Variants in DNAH2 observed in about 807,000 individuals in gnomAD.
DNAH2 encodes dynein axonemal heavy chain 2.
DNAH2 carries 323 observed loss-of-function variants against 523.5 expected under a neutral mutation model. The ratio of observed to expected loss-of-function variants is 0.62; its 90% CI spans 0.56 to 0.68. The LOEUF (loss-of-function observed/expected upper bound fraction) is 0.68, where lower values mean the gene tolerates loss of function less well. DNAH2 is among the 30% of genes least tolerant of loss of function. DNAH2 has a pLI of 0.00. For synonymous variants in DNAH2, 2,093 were observed against 2,177.4 expected (o/e 0.96, Z 1.08); for missense variants, 4,907 against 5,701.5 (o/e 0.86, Z 4.49).
intron 12 of DNAH2, chr17:7,743,379 T>C (rs1172685311): frequency 8.5e-6 from 6 of 707,228 alleles, no homozygotes; most frequent in Admixed American, 2.0e-5. Flanking sequence ...AACAAAACAA[T>C]GATCGGCCAG....
At position 7,727,183 on chromosome 17, in the gene DNAH2, A is replaced by G; in HGVS notation, c.290A>G (p.Glu97Gly). 6.2e-7 allele frequency: 1 copy of G among 1,608,568 alleles called. No homozygotes were observed. Residue 97 changes from glutamate (E) to glycine (G), a missense_variant, in exon 4 of 86, where the codon GAG (glutamate) becomes GGG (glycine). Physicochemically the swap from Glu to Gly is moderately conservative, Grantham distance 98. Transcript: ENST00000572933. ...TGLADAVWTQ[E>G]HDAILEHFAQ... ...CTGGCGGATGCAGTGTGGACACAGGAGCATGATGCCATTCTGGAACACTTT... is the reference window on the plus strand; with the variant it reads ...CTGGCGGATGCAGTGTGGACACAGGGGCATGATGCCATTCTGGAACACTTT...
intron 2 of DNAH2, among the ~76,000 whole-genome samples, chr17:7,723,245 C>G (rs913974613): frequency 1.4e-5 from 2 of 139,960 alleles, no homozygotes; most frequent in Non-Finnish European, 3.0e-5. Context: ...GCTGGGATTA[C>G]AGGTGTGAGC....
chr17:7,803,938 T>C (rs187994786), intron 58 of DNAH2, among the ~76,000 whole-genome samples: 1 of 152,362 alleles, frequency 6.6e-6, no homozygotes, highest in Non-Finnish European at 1.5e-5. Context: ...CCCACCTGCC[T>C]GTTCCACAGT....
intron 12 of DNAH2, chr17:7,743,502 C>G (rs1567629208): frequency 4.8e-6 from 3 of 626,952 alleles, no homozygotes; most frequent in Non-Finnish European, 8.5e-6. Flanking sequence ...CCAGTCTCTG[C>G]AAAAAATACA....
intron 11 of DNAH2, among the ~76,000 whole-genome samples, chr17:7,742,158 G>A (rs779785573): frequency 5.3e-5 from 8 of 151,912 alleles, no homozygotes; most frequent in Middle Eastern, 3.2e-3. Flanking sequence ...GGCCAGGTGC[G>A]GTGGCTCACA....
At position 7,823,847 on chromosome 17, in the gene DNAH2, T is replaced by C; in HGVS notation, c.11343T>C (p.Asn3781=). The C allele has an allele frequency of 6.2e-7, 1 of 1,614,048 alleles. No individual in the cohort carries two copies. The highest frequency in any genetic ancestry group is 8.5e-7 in the Non-Finnish European group (1 of 1,179,974). The change falls in exon 75 of 86, where the codon AAT becomes AAC. Residue 3781 remains asparagine (N), a synonymous_variant. Transcript: ENST00000572933. ...EKAMLPGEWE[N]ACNEMQRMLI... is the part of the protein sequence containing the mutation. ...CCTCATCCCCAGGTGAGTGGGAAAA[T>C]GCCTGCAATGAAATGCAACGGATGC...
intron 3 of DNAH2, among the ~76,000 whole-genome samples, chr17:7,725,218 T>C (rs937047520): frequency 6.6e-6 from 1 of 150,536 alleles, no homozygotes; most frequent in Non-Finnish European, 1.5e-5. Flanking sequence ...GCCTCCTGAG[T>C]AGCTGGGATT....
intron 2 of DNAH2, among the ~76,000 whole-genome samples, chr17:7,723,201 A>G (rs1184311851): frequency 7.0e-6 from 1 of 142,246 alleles, no homozygotes; most frequent in Non-Finnish European, 1.5e-5. Flanking sequence ...TGATCTCCTG[A>G]CCTCATGATC....
intron 10 of DNAH2, 49 bp from the exon 11 acceptor site, chr17:7,740,761 G>C (rs768469023): frequency 2.0e-5 from 31 of 1,577,684 alleles, no homozygotes; most frequent in Non-Finnish European, 2.6e-5. Context: ...TGACCGGAGG[G>C]AACCCGCCTT....
Position 7,740,986 on chromosome 17 carries a change from C to G in DNAH2, c.1683C>G (p.Val561=). 1 of 1,599,018 alleles carries G rather than the reference C, an allele frequency of 6.3e-7. No homozygotes were observed. The highest frequency in any genetic ancestry group is 8.6e-7 in the Non-Finnish European group (1 of 1,168,458). The change falls in exon 11 of 86, where the codon GTC becomes GTG. Residue 561 remains valine, a synonymous_variant. Transcript: ENST00000572933. ...TCCTCCGGCGTCGCATCGACAGAGT[C>G]ATGACCGTAAGTGCCTGGCCTTCTC... ...VHILRRRIDR[V]MTCLAGAHFL...
Position 7,831,703 on chromosome 17 carries a change from CG to C in DNAH2, c.12655del (p.Val4219SerfsTer57). 1.2e-6 allele frequency: 2 copies of C among 1,614,150 alleles called. No homozygotes were observed. The highest frequency in any genetic ancestry group is 2.2e-5 in the South Asian group (2 of 91,078). On this transcript the variant is annotated frameshift_variant, in exon 82 of 86. Transcript: ENST00000572933. LOFTEE classifies it high-confidence loss of function. The surrounding 1 kb of genome is among the most constrained non-coding windows in gnomAD (Gnocchi z 4.2). ...TAGAGAAAGGCATCCAGGGTCTCAT[CG>C]TCATGTCTACAAGCCTGGAAGAGAT... ...DLEKGIQGLIVMSTSLEEIFN... is the reference protein window; with the variant it reads ...DLEKGIQGLIXMSTSLEEIFN...
intron 8 of DNAH2, chr17:7,738,818 CG>C (rs1567618883): frequency 1.7e-6 from 1 of 595,402 alleles, no homozygotes; most frequent in African/African-American, 1.9e-5. Context: ...GGTTGTTTCT[CG>C]GGGTCTGATT....
At chr17:7,794,233 C>G (rs150694860) in intron 48 of DNAH2, 21 bp from the exon 49 acceptor site, 1 of 1,582,898 alleles carries the variant, frequency 6.3e-7, no homozygotes. Flanking sequence ...CCTGTCTGCC[C>G]TCCTTGTCGC....
intron 49 of DNAH2, 123 bp downstream of exon 49, chr17:7,794,481 G>A (rs2077010135): frequency 7.7e-6 from 6 of 783,096 alleles, no homozygotes; most frequent in East Asian, 3.1e-5. Context: ...CACGCAGGAC[G>A]CTGGGACGAT....
At chr17:7,735,449 T>G (rs2075113383) in intron 7 of DNAH2, among the ~76,000 whole-genome samples, 1 of 151,874 alleles carries the variant, frequency 6.6e-6, no homozygotes, top group Non-Finnish European at 1.5e-5. Flanking sequence ...TTCTTTTCAT[T>G]TCTTTTTTTT....
chr17:7,742,428 CACAA>C (rs2075380501), intron 11 of DNAH2, among the ~76,000 whole-genome samples: 1 of 152,138 alleles, frequency 6.6e-6, no homozygotes, highest in East Asian at 1.9e-4. Context: ...GAGACTCTGT[CACAA>C]ACAAACAAAA....
At chr17:7,791,360 C>T (rs141642295) in intron 44 of DNAH2, among the ~76,000 whole-genome samples, 7 of 152,228 alleles carry the variant, frequency 4.6e-5, no homozygotes, top group African/African-American at 1.7e-4. Flanking sequence ...CATGAGCCAC[C>T]GTGCCTGACT....
rs2077964106 is a variant in DNAH2, at chr17:7,824,491, C to G, written c.11663-46C>G. 3 of 1,480,660 alleles carry G rather than the reference C, an allele frequency of 2.0e-6. No homozygotes were observed. The East Asian group carries it at 7.4e-5, about 37-fold the overall frequency. The allele number at this position is 1,480,660 out of a possible 1,614,324, so 91.7% of individuals were successfully genotyped here. On this transcript the variant is annotated intron_variant, in intron 76 of 85. Coordinates refer to ENST00000572933, the MANE Select transcript of DNAH2 (RefSeq NM_020877.5). ...ACCAGGTGGAAAGCATGAGGACAGG[C>G]AGGGCTTAGGAAATGATTCCCACTG...
At chr17:7,735,999 C>T (rs776294400) in intron 7 of DNAH2, among the ~76,000 whole-genome samples, 7 of 151,892 alleles carry the variant, frequency 4.6e-5, no homozygotes, top group African/African-American at 7.3e-5. Context: ...GTGATCCACC[C>T]GCCTCGGCCT....
Sources: allele counts gnomAD v4.1 joint callset (sites outside exome capture counted in the v4.1 genomes callset), GRCh38; gene constraint gnomAD v4.1.1; non-coding constraint Gnocchi (gnomAD v3.1); transcripts MANE v1.5; gene names NCBI Gene and HGNC (gene_info 2026-07-23, HGNC 2026-07-21).